PIGK: variants seen among roughly 807,000 people sequenced by gnomAD.
The protein encoded by PIGK is phosphatidylinositol glycan anchor biosynthesis class K.
Under a neutral mutation model 50.6 loss-of-function variants are expected in PIGK, and 42 were observed. The ratio of observed to expected loss-of-function variants is 0.83; its 90% confidence interval spans 0.65 to 1.07. The LOEUF (loss-of-function observed/expected upper bound fraction) is 1.07. PIGK is among the 50% of genes least tolerant of loss of function. The probability of loss-of-function intolerance (pLI) is 0.00; values close to 1 mark genes in which losing one functional copy is unlikely to be tolerated. For synonymous variants in PIGK, 151 were observed against 156.0 expected (o/e 0.97, Z 0.24); for missense variants, 448 against 488.7 (o/e 0.92, Z 0.78).
At chr1:77,105,155 A>G (rs548421699) in intron 10 of PIGK, among the ~76,000 whole-genome samples, 1 of 152,108 alleles carries the variant, frequency 6.6e-6, no homozygotes, top group East Asian at 1.9e-4. Flanking sequence ...TGGAGAGGGG[A>G]CAGAAATGGC....
At position 77,161,726 on chromosome 1, in the gene PIGK, A is replaced by G. The variant is rs560980589; in HGVS notation, c.585-15T>C. ...GCTCATTGTAGCTGAAAGAAAAATGATAACATCTTTGACAAGGATCATGCT... is the reference window on the plus strand; with the variant it reads ...GCTCATTGTAGCTGAAAGAAAAATGGTAACATCTTTGACAAGGATCATGCT... On this transcript the variant is annotated splice_polypyrimidine_tract_variant and intron_variant, in intron 6 of 10. Coordinates refer to ENST00000370812, the MANE Select transcript of PIGK (RefSeq NM_005482.3). The G allele has an allele frequency of 2.9e-5, 29 of 1,009,606 alleles. No individual in the cohort carries two copies. The South Asian group carries it at 3.2e-4, about 11-fold the overall frequency. The allele number at this position is 1,009,606 out of a possible 1,614,324, so 62.5% of individuals were successfully genotyped here.
chr1:77,178,279 G>A (rs1570244288), intron 3 of PIGK, among the ~76,000 whole-genome samples: 1 of 152,188 alleles, frequency 6.6e-6, no homozygotes, highest in Non-Finnish European at 1.5e-5. Context: ...AGGTTAAAGA[G>A]AACATTGCCA....
At chr1:77,130,020 G>A (rs186745868) in intron 9 of PIGK, among the ~76,000 whole-genome samples, 1 of 151,590 alleles carries the variant, frequency 6.6e-6, no homozygotes, top group East Asian at 1.9e-4. Context: ...TCACTAACAT[G>A]AGTCTTTTCC....
intron 9 of PIGK, among the ~76,000 whole-genome samples, chr1:77,124,279 G>C (rs950408186): frequency 1.3e-5 from 2 of 152,098 alleles, no homozygotes; most frequent in African/African-American, 4.8e-5. Flanking sequence ...GCATTTCACA[G>C]TGTATCTTTT....
At chr1:77,193,057 TC>T (rs551262413) in intron 3 of PIGK, among the ~76,000 whole-genome samples, 87 of 152,322 alleles carry the variant, frequency 5.7e-4, no homozygotes, top group African/African-American at 2.0e-3. Context: ...TTGAGTAACT[TC>T]CCACTCATGC....
At chr1:77,156,853 G>A (rs1655019229) in intron 8 of PIGK, among the ~76,000 whole-genome samples, 1 of 152,164 alleles carries the variant, frequency 6.6e-6, no homozygotes, top group Non-Finnish European at 1.5e-5. Context: ...ATTAAGTTCT[G>A]TGGAGTGTAA....
At chr1:77,156,788 T>C (rs1655018085) in intron 8 of PIGK, among the ~76,000 whole-genome samples, 1 of 152,216 alleles carries the variant, frequency 6.6e-6, no homozygotes. Flanking sequence ...TATCATGTCC[T>C]TTCATTCATT....
intron 9 of PIGK, among the ~76,000 whole-genome samples, chr1:77,127,735 C>T (rs1654264085): frequency 6.6e-6 from 1 of 152,128 alleles, no homozygotes; most frequent in Admixed American, 6.6e-5. Context: ...AAGAAATTCT[C>T]TACACATACC....
At chr1:77,119,756 G>A (rs1305716742) in intron 10 of PIGK, among the ~76,000 whole-genome samples, 1 of 152,144 alleles carries the variant, frequency 6.6e-6, no homozygotes, top group East Asian at 1.9e-4. Flanking sequence ...TGCTTTGAAA[G>A]CCTCCATCTC....
chr1:77,175,384 G>A (rs1557814567), intron 3 of PIGK, among the ~76,000 whole-genome samples: 1 of 152,134 alleles, frequency 6.6e-6, no homozygotes, highest in Non-Finnish European at 1.5e-5. Context: ...GGGATGCTTA[G>A]GACAAGTCAG....
intron 10 of PIGK, among the ~76,000 whole-genome samples, chr1:77,095,402 A>T (rs193088371): frequency 6.6e-6 from 1 of 152,320 alleles, no homozygotes; most frequent in Admixed American, 6.5e-5. Flanking sequence ...GCAGCTGAGT[A>T]AGGGACTTTA....
intron 9 of PIGK, among the ~76,000 whole-genome samples, chr1:77,130,548 A>G (rs943360576): frequency 1.3e-5 from 2 of 152,072 alleles, no homozygotes; most frequent in Non-Finnish European, 1.5e-5. Context: ...GGGCTTTATA[A>G]TATGTTGTAT....
intron 9 of PIGK, among the ~76,000 whole-genome samples, chr1:77,136,937 A>G (rs1295914609): frequency 2.6e-5 from 4 of 152,200 alleles, no homozygotes; most frequent in African/African-American, 9.7e-5. Context: ...GAGAAATCTT[A>G]CAAAAATCAT....
At chr1:77,172,070 A>ATTTTTTTTTTTTTTTTTTTTT (rs34115617) in intron 3 of PIGK, among the ~76,000 whole-genome samples, 6 of 130,938 alleles carry the variant, frequency 4.6e-5, no homozygotes, top group Admixed American at 7.8e-5. Flanking sequence ...TCTACATTTA[A>ATTTTTTTTTTTTTTTTTTTTT]TTTTTTTTTT....
At chr1:77,106,247 G>A (rs1386258287) in intron 10 of PIGK, among the ~76,000 whole-genome samples, 1 of 151,988 alleles carries the variant, frequency 6.6e-6, no homozygotes. Flanking sequence ...CTTTAATATG[G>A]ATCTCTCAAG....
intron 9 of PIGK, chr1:77,129,276 A>C (rs1343936096): frequency 6.2e-7 from 1 of 1,608,080 alleles, no homozygotes; most frequent in Non-Finnish European, 8.5e-7. Flanking sequence ...CACTTTACAG[A>C]AACAGTGTGT....
At position 77,193,245 on chromosome 1, in the gene PIGK, ATGTGTGTGTGTGTGTGTG is replaced by A. The variant is rs56987496; in HGVS notation, c.239+13377_239+13394del. Among the ~76,000 whole-genome samples, 12 of 144,876 alleles carry A rather than the reference ATGTGTGTGTGTGTGTGTG, an allele frequency of 8.3e-5. No homozygotes were observed. The East Asian group carries it at 1.8e-3, about 22-fold the overall frequency. ...TGTTAGCTGACAGTGTGGCATGAGA[ATGTGTGTGTGTGTGTGTG>A]TGTGTGTGTGTGTGTGTGTGTTTCT... On this transcript the variant is annotated intron_variant, in intron 3 of 10. Transcript: ENST00000370812.
At chr1:77,181,726 GAC>G (rs1043038183) in intron 3 of PIGK, among the ~76,000 whole-genome samples, 10 of 151,600 alleles carry the variant, frequency 6.6e-5, no homozygotes, top group Non-Finnish European at 1.2e-4. Flanking sequence ...TTTTCCCCCT[GAC>G]ACAAATTATT....
chr1:77,202,884 G>C (rs17688479), intron 3 of PIGK, among the ~76,000 whole-genome samples: 1 of 152,020 alleles, frequency 6.6e-6, no homozygotes, highest in African/African-American at 2.4e-5. Flanking sequence ...CCAAAAGAGC[G>C]TGACAGAGAC....
Sources: allele counts gnomAD v4.1 joint callset (sites outside exome capture counted in the v4.1 genomes callset), GRCh38; gene constraint gnomAD v4.1.1; transcripts MANE v1.5; gene names NCBI Gene and HGNC (gene_info 2026-07-23, HGNC 2026-07-21).